PLCG2: variants seen among roughly 807,000 people sequenced by gnomAD.
The protein encoded by PLCG2 is phospholipase C gamma 2.
Under a neutral mutation model 175.6 loss-of-function variants are expected in PLCG2, and 69 were observed. That is an observed-to-expected ratio of 0.39 (90% CI 0.32 to 0.48). PLCG2 has a LOEUF of 0.48. Among genes scored for constraint, PLCG2 ranks in the 20% least tolerant of loss-of-function variants. The pLI is 0.91. For synonymous variants in PLCG2, 827 were observed against 624.0 expected (o/e 1.33, Z -4.85); for missense variants, 1,798 against 1,650.9 (o/e 1.09, Z -1.54).
chr16:81,938,012 T>G, intron 28 of PLCG2, 109 bp downstream of exon 28: 1 of 938,106 alleles, frequency 1.1e-6, no homozygotes, highest in East Asian at 2.6e-5. Flanking sequence ...CTGGTTGTCT[T>G]GTTTAAACGA....
At chr16:81,779,900 C>T (rs1910653160) in intron 1 of PLCG2, among the ~76,000 whole-genome samples, 1 of 152,218 alleles carries the variant, frequency 6.6e-6, no homozygotes, top group Non-Finnish European at 1.5e-5. Flanking sequence ...CAGTCCTTCC[C>T]GGAGACTTTT....
chr16:81,850,291 A>T (rs554976452), intron 2 of PLCG2, among the ~76,000 whole-genome samples: 1 of 152,338 alleles, frequency 6.6e-6, no homozygotes, highest in East Asian at 1.9e-4. Context: ...AGATAAATTA[A>T]GTATTTTGGG....
At chr16:81,805,098 A>C (rs974294791) in intron 2 of PLCG2, among the ~76,000 whole-genome samples, 7 of 152,232 alleles carry the variant, frequency 4.6e-5, no homozygotes, top group African/African-American at 1.7e-4. Flanking sequence ...CATGTGCCAG[A>C]AAACCTTTAG....
intron 1 of PLCG2, among the ~76,000 whole-genome samples, chr16:81,746,747 T>C (rs572910057): frequency 6.6e-6 from 1 of 152,288 alleles, no homozygotes; most frequent in South Asian, 2.1e-4. Flanking sequence ...TAATTCCCAC[T>C]TCTCAGGCTT....
intron 2 of PLCG2, chr16:81,755,994 C>T (rs1483477056): frequency 2.0e-5 from 3 of 152,890 alleles, no homozygotes; most frequent in Admixed American, 1.3e-4. Flanking sequence ...AATCTGTCCT[C>T]GACCAAACCC....
rs146851902 is a variant in PLCG2, at chr16:81,958,582, T to C, written c.*584T>C. The C allele has an allele frequency of 2.1e-3, 482 of 230,036 alleles. 2 individuals carry two copies. Among genetic ancestry groups the C allele is most frequent in the African/African-American group, 9.7e-3 (439 of 45,288 alleles). The allele number at this position is 230,036 out of a possible 1,614,324, so 14.2% of individuals were successfully genotyped here. ...GAAAATGGCTGAGTGATGGGATCTGTTCATTAAGACAATTTCTAATTAATG... is the reference window on the plus strand; with the variant it reads ...GAAAATGGCTGAGTGATGGGATCTGCTCATTAAGACAATTTCTAATTAATG... On this transcript the variant is annotated 3_prime_UTR_variant, in exon 33 of 33. Coordinates refer to ENST00000564138, the MANE Select transcript of PLCG2 (RefSeq NM_002661.5).
Position 81,741,876 on chromosome 16 carries a change from T to G in PLCG2, c.-145+2491T>G, listed in dbSNP as rs1909602516. Among the ~76,000 whole-genome samples the G allele has an allele frequency of 2.6e-5, 4 of 152,216 alleles. 1 individual carries two copies. In the South Asian group the frequency reaches 8.3e-4, roughly 31 times the overall value. On this transcript the variant is annotated intron_variant, in intron 1 of 5. Coordinates refer to the PLCG2 transcript ENST00000565054. ...ATCACTTCAAACGTTTGTCATTTCT[T>G]TGTGTTGTGAACATTGAAAATCTCT...
chr16:81,828,263 T>G (rs1317686096), intron 2 of PLCG2, among the ~76,000 whole-genome samples: 3 of 59,952 alleles, frequency 5.0e-5, no homozygotes, highest in Non-Finnish European at 6.5e-5. Context: ...TTTTTTTTTT[T>G]GAGACAGAAT....
intron 24 of PLCG2, among the ~76,000 whole-genome samples, chr16:81,929,818 C>T (rs1910426783): frequency 6.6e-6 from 1 of 152,394 alleles, no homozygotes; most frequent in Admixed American, 6.5e-5. Flanking sequence ...CCGACCACCA[C>T]ATGTGCTGAG....
chr16:81,913,898 C>T (rs1432817175), intron 19 of PLCG2, among the ~76,000 whole-genome samples: 3 of 152,190 alleles, frequency 2.0e-5, no homozygotes. Flanking sequence ...TGGTGACGGT[C>T]ATTATCACTA....
intron 19 of PLCG2, among the ~76,000 whole-genome samples, chr16:81,914,229 C>T (rs9925255): frequency 0.04 from 6,143 of 152,302 alleles, 123 homozygotes; most frequent in South Asian, 0.043. Flanking sequence ...GGTGCCCAAG[C>T]GGTGAGACAG....
Position 81,849,307 on chromosome 16 carries a change from A to T in PLCG2, c.194-5137A>T, listed in dbSNP as rs574156796. On this transcript the variant is annotated intron_variant, in intron 2 of 32. Coordinates refer to ENST00000564138, the MANE Select transcript of PLCG2 (RefSeq NM_002661.5). The stretch of plus-strand genomic sequence containing the variant: ...GCTTGGATTGTGGTGTTGGCCATGG[A>T]AATGGATAGACGTTGACAGATTCCA... Among the ~76,000 whole-genome samples the T allele has an allele frequency of 3.3e-4, 51 of 152,340 alleles. 1 individual carries two copies. Among genetic ancestry groups the T allele is most frequent in the African/African-American group, 1.2e-3 (48 of 41,580 alleles).
chr16:81,825,283 A>AT (rs577002663), intron 2 of PLCG2, among the ~76,000 whole-genome samples: 7,055 of 115,756 alleles, frequency 0.061, 343 homozygotes, highest in African/African-American at 0.11. Flanking sequence ...AGATGCTCTA[A>AT]TTTTTTTTTT....
At chr16:81,865,080 G>T (rs911739195) in intron 5 of PLCG2, among the ~76,000 whole-genome samples, 4 of 152,150 alleles carry the variant, frequency 2.6e-5, no homozygotes, top group African/African-American at 9.7e-5. Context: ...GGCAGCTGGG[G>T]AGTCACAACC....
At chr16:81,807,834 G>A (rs951202692) in intron 2 of PLCG2, among the ~76,000 whole-genome samples, 2 of 152,160 alleles carry the variant, frequency 1.3e-5, no homozygotes, top group East Asian at 3.9e-4. Context: ...GGAGAAAGCA[G>A]GAGCAAGAGA....
chr16:81,832,904 C>G (rs909712037), intron 2 of PLCG2, among the ~76,000 whole-genome samples: 2 of 152,174 alleles, frequency 1.3e-5, no homozygotes, highest in Non-Finnish European at 1.5e-5. Flanking sequence ...GCGTGTGAGG[C>G]CCAGGCAGCC....
At chr16:81,911,313 G>A (rs1283269700) in intron 18 of PLCG2, among the ~76,000 whole-genome samples, 4 of 151,870 alleles carry the variant, frequency 2.6e-5, no homozygotes, top group East Asian at 1.9e-4. Context: ...GAAATAACCC[G>A]AAAACAACCC....
intron 9 of PLCG2, 111 bp downstream of exon 9, chr16:81,883,452 AC>A: frequency 1.3e-6 from 1 of 753,342 alleles, no homozygotes; most frequent in Non-Finnish European, 2.3e-6. Context: ...TCACCTGGCC[AC>A]CTGTGCTCAC....
intron 1 of PLCG2, among the ~76,000 whole-genome samples, chr16:81,782,489 G>A (rs1322280377): frequency 6.6e-6 from 1 of 152,162 alleles, no homozygotes; most frequent in Admixed American, 6.5e-5. Context: ...AGACCTCCCT[G>A]CCATAGTTGA....
Sources: allele counts gnomAD v4.1 joint callset (sites outside exome capture counted in the v4.1 genomes callset), GRCh38; gene constraint gnomAD v4.1.1; transcripts MANE v1.5; gene names NCBI Gene and HGNC (gene_info 2026-07-23, HGNC 2026-07-21).